Variants in FOXJ3 observed in about 807,000 individuals in gnomAD.
FOXJ3 encodes the protein forkhead box J3, also known as forkhead box protein J3.
A neutral mutation model predicts 76.1 loss-of-function variants in FOXJ3; 22 were observed. That is an observed-to-expected ratio of 0.29 (90% CI 0.21 to 0.41). The LOEUF (loss-of-function observed/expected upper bound fraction) is 0.41. Among genes scored for constraint, FOXJ3 ranks in the 10% least tolerant of loss-of-function variants. The pLI is 1.00. For missense variants in FOXJ3, 613 were observed against 762.1 expected (o/e 0.80, Z 2.30); for synonymous variants, 269 against 261.2 (o/e 1.03, Z -0.29).
intron 5 of FOXJ3, among the ~76,000 whole-genome samples, chr1:42,219,658 T>G (rs1179594407): frequency 1.3e-5 from 2 of 152,208 alleles, no homozygotes; most frequent in Non-Finnish European, 2.9e-5. Context: ...ATCTAAAGTT[T>G]TGGGTGCCCA....
At chr1:42,316,887 G>C (rs1337159105) in intron 1 of FOXJ3, among the ~76,000 whole-genome samples, 1 of 152,102 alleles carries the variant, frequency 6.6e-6, no homozygotes, top group Non-Finnish European at 1.5e-5. Context: ...GGTGGGAGTG[G>C]GGTGAAGGAT....
At chr1:42,191,769 G>A (rs1188004347) in intron 8 of FOXJ3, 50 bp from the exon 9 acceptor site, 10 of 1,573,118 alleles carry the variant, frequency 6.4e-6, no homozygotes, top group South Asian at 1.1e-5. Context: ...TGTATTTTAT[G>A]ACAAACATTT....
chr1:42,300,764 T>G (rs556035945), intron 2 of FOXJ3, among the ~76,000 whole-genome samples: 1 of 152,296 alleles, frequency 6.6e-6, no homozygotes, highest in South Asian at 2.1e-4. Flanking sequence ...GCCAGCAGAC[T>G]GAGACCCTGT....
chr1:42,273,228 A>C (rs189491863), intron 3 of FOXJ3, among the ~76,000 whole-genome samples: 12 of 152,264 alleles, frequency 7.9e-5, no homozygotes, highest in African/African-American at 2.6e-4. Context: ...TACACAGCAT[A>C]ATTACTTGTT....
At chr1:42,181,276 T>C (rs1646312090) in intron 12 of FOXJ3, among the ~76,000 whole-genome samples, 1 of 152,228 alleles carries the variant, frequency 6.6e-6, no homozygotes. Flanking sequence ...TTTAAGATAC[T>C]TTCCAGCTCT....
At chr1:42,218,817 G>A (rs1389244493) in intron 5 of FOXJ3, among the ~76,000 whole-genome samples, 2 of 152,060 alleles carry the variant, frequency 1.3e-5, no homozygotes, top group Non-Finnish European at 2.9e-5. Context: ...TCTCAAATGT[G>A]AAGTCCTATC....
chr1:42,220,254 G>T (rs530700306), intron 5 of FOXJ3, among the ~76,000 whole-genome samples: 1 of 152,074 alleles, frequency 6.6e-6, no homozygotes, highest in Non-Finnish European at 1.5e-5. Context: ...TCAATTACAC[G>T]AAACAATACA....
chr1:42,311,226 A>AAC, intron 1 of FOXJ3, 116 bp from the exon 2 acceptor site: 2 of 649,970 alleles, frequency 3.1e-6, no homozygotes, highest in Non-Finnish European at 5.2e-6. Flanking sequence ...TCTACTAAAG[A>AAC]ATTCTACTAA....
At chr1:42,255,472 AAACAAACAGCAACAAT>A (rs1650511077) in intron 4 of FOXJ3, among the ~76,000 whole-genome samples, 1 of 152,252 alleles carries the variant, frequency 6.6e-6, no homozygotes, top group African/African-American at 2.4e-5. Context: ...AACAAAAGAA[AAACAAACAGCAACAAT>A]ACCAATAATC....
chr1:42,315,474 C>G (rs1249154467), intron 1 of FOXJ3: 1 of 836,348 alleles, frequency 1.2e-6, no homozygotes, highest in Admixed American at 6.2e-5. Context: ...ACACCAACAC[C>G]CTTAGTACCT....
chr1:42,328,481 T>C (rs956043530), intron 1 of FOXJ3, among the ~76,000 whole-genome samples: 1 of 152,116 alleles, frequency 6.6e-6, no homozygotes, highest in Non-Finnish European at 1.5e-5. Flanking sequence ...TGGGAAACAA[T>C]GGTCAGACAG....
In FOXJ3 at chr1:42,192,919, A is replaced by G. The variant is rs545177744; in HGVS notation, c.935-1200T>C. On this transcript the variant is annotated intron_variant, in intron 8 of 12. Coordinates refer to ENST00000361346, the MANE Select transcript of FOXJ3 (RefSeq NM_014947.5). ...AAGTTTTACAGGCAGAAGAGTTAAT[A>G]AAAGTTCTTGCCTTGGTCCTAGAAA... is the stretch of plus-strand genomic sequence containing the variant. 3.3e-5 allele frequency among the ~76,000 whole-genome samples: 5 copies of G among 152,298 alleles called. No individual in the cohort carries two copies. The South Asian group carries it at 1.0e-3, about 32-fold the overall frequency.
chr1:42,294,790 C>T (rs1385307087), intron 2 of FOXJ3, among the ~76,000 whole-genome samples: 1 of 138,712 alleles, frequency 7.2e-6, no homozygotes. Context: ...ACGCCATGAA[C>T]TTGAGGGATA....
intron 4 of FOXJ3, among the ~76,000 whole-genome samples, chr1:42,240,513 T>C (rs1649047951): frequency 6.6e-6 from 1 of 152,224 alleles, no homozygotes; most frequent in South Asian, 2.1e-4. Context: ...GGAGCAGACA[T>C]ACAGATCAAT....
intron 4 of FOXJ3, among the ~76,000 whole-genome samples, chr1:42,235,570 G>GT (rs36002638): frequency 0.24 from 34,908 of 145,854 alleles, 4,940 homozygotes; most frequent in Non-Finnish European, 0.31. Context: ...GTGTTTTTTT[G>GT]TTTTTTTTTT....
At chr1:42,284,664 A>G (rs1397959373) in intron 2 of FOXJ3, among the ~76,000 whole-genome samples, 2 of 152,226 alleles carry the variant, frequency 1.3e-5, no homozygotes, top group African/African-American at 4.8e-5. Flanking sequence ...ACACAAAGGT[A>G]ATGTTAAGGT....
chr1:42,327,748 C>T (rs576675329), intron 1 of FOXJ3, among the ~76,000 whole-genome samples: 1 of 152,160 alleles, frequency 6.6e-6, no homozygotes, highest in South Asian at 2.1e-4. Flanking sequence ...ACACTGGCAC[C>T]ACACTCTACC....
At chr1:42,195,574 C>T (rs1469200996) in intron 7 of FOXJ3, among the ~76,000 whole-genome samples, 1 of 152,134 alleles carries the variant, frequency 6.6e-6, no homozygotes, top group Non-Finnish European at 1.5e-5. Context: ...TCTTCATTTC[C>T]AGGGAAAACT....
intron 11 of FOXJ3, among the ~76,000 whole-genome samples, chr1:42,183,673 A>G (rs1224521393): frequency 1.3e-5 from 2 of 152,088 alleles, no homozygotes; most frequent in Non-Finnish European, 2.9e-5. Flanking sequence ...TGAAACTAAA[A>G]AATAGTAATC....
Sources: gnomAD v4.1 joint callset for allele counts (sites outside exome capture counted in the v4.1 genomes callset) on GRCh38, gnomAD v4.1.1 for gene constraint, MANE v1.5 for transcripts, NCBI Gene and HGNC (gene_info 2026-07-23, HGNC 2026-07-21) for gene names.